The following DCC variants were observed in gnomAD, a reference collection of about 807,000 sequenced individuals.
The protein encoded by DCC is netrin receptor DCC.
In DCC, 58 loss-of-function variants were observed where a neutral mutation model predicts 172.5. The ratio of observed to expected loss-of-function variants is 0.34; its 90% CI spans 0.27 to 0.42. DCC has a LOEUF of 0.42. Ranked by LOEUF, DCC falls within the 10% of genes least tolerant of loss-of-function variation. The probability of loss-of-function intolerance (pLI) is 1.00; values close to 1 mark genes in which losing one functional copy is unlikely to be tolerated. For missense variants in DCC, 1,740 were observed against 1,791.0 expected, an observed-to-expected ratio of 0.97 and a Z score of 0.51; for synonymous variants, 709 against 644.5, an observed-to-expected ratio of 1.10 and a Z score of -1.52.
intron 1 of DCC, among the ~76,000 whole-genome samples, chr18:52,634,730 C>T (rs778033339): frequency 3.9e-5 from 6 of 152,038 alleles, no homozygotes; most frequent in East Asian, 1.9e-4. Context: ...TTCTCTGTGT[C>T]GTATTTCTTT....
At chr18:52,484,946 T>A (rs1475521837) in intron 1 of DCC, among the ~76,000 whole-genome samples, 1 of 152,150 alleles carries the variant, frequency 6.6e-6, no homozygotes, top group Non-Finnish European at 1.5e-5. Context: ...GAGACCAGGC[T>A]TTCCTGTCCA....
intron 10 of DCC, among the ~76,000 whole-genome samples, chr18:53,207,455 C>T (rs1167716480): frequency 1.3e-5 from 2 of 152,156 alleles, no homozygotes; most frequent in Non-Finnish European, 2.9e-5. Context: ...CAAATTGGAA[C>T]TTAATGACTG....
intron 2 of DCC, among the ~76,000 whole-genome samples, chr18:52,825,119 T>G (rs1876771590): frequency 6.6e-6 from 1 of 152,170 alleles, no homozygotes; most frequent in Non-Finnish European, 1.5e-5. Context: ...CATTTACCCC[T>G]TAGACAGATG....
chr18:52,444,163 G>A (rs1363711938), intron 1 of DCC, among the ~76,000 whole-genome samples: 1 of 152,164 alleles, frequency 6.6e-6, no homozygotes, highest in Non-Finnish European at 1.5e-5. Flanking sequence ...ACCTGAACCA[G>A]GTCTGGAAGG....
chr18:52,353,037 A>G (rs758724046), intron 1 of DCC, among the ~76,000 whole-genome samples: 8 of 152,166 alleles, frequency 5.3e-5, no homozygotes, highest in African/African-American at 7.2e-5. Flanking sequence ...CATGTAGTCA[A>G]TGGGAAACTG....
intron 1 of DCC, among the ~76,000 whole-genome samples, chr18:52,731,035 T>G (rs1412104222): frequency 6.6e-6 from 1 of 152,204 alleles, no homozygotes; most frequent in African/African-American, 2.4e-5. Context: ...CTTATAATTT[T>G]CTGCCTTTTG....
intron 9 of DCC, among the ~76,000 whole-genome samples, chr18:53,203,009 C>A (rs2055564867): frequency 6.6e-6 from 1 of 152,028 alleles, no homozygotes; most frequent in African/African-American, 2.4e-5. Context: ...GAGTGCTACA[C>A]AAATGACATT....
chr18:52,353,293 G>A (rs550929773), intron 1 of DCC, among the ~76,000 whole-genome samples: 21 of 152,028 alleles, frequency 1.4e-4, no homozygotes, highest in South Asian at 2.1e-4. Flanking sequence ...ATATAAGAAC[G>A]CATATTTTAC....
chr18:52,669,429 T>C (rs2144965558), intron 1 of DCC, among the ~76,000 whole-genome samples: 1 of 152,348 alleles, frequency 6.6e-6, no homozygotes, highest in African/African-American at 2.4e-5. Flanking sequence ...AAAGGACTGT[T>C]ATCATCTTTG....
Position 52,797,623 on chromosome 18 carries a change from T to G in DCC, c.412+45249T>G, listed in dbSNP as rs75847825. Among the ~76,000 whole-genome samples the G allele has an allele frequency of 6.4e-3, 973 of 152,354 alleles. 11 individuals are homozygous for G. Among genetic ancestry groups the G allele is most frequent in the South Asian group, 0.01 (49 of 4,834 alleles). ...GGAACATCAGCTGGGTTAGTTCTTG[T>G]GCACCAGTTTGGCAGCAGTACAAAT... is the stretch of plus-strand genomic sequence containing the variant. On this transcript the variant is annotated intron_variant, in intron 2 of 28. Transcript: ENST00000442544.
chr18:52,752,074 A>C lies in DCC; in HGVS notation c.112A>C (p.Thr38Pro), dbSNP rs2037003344. The C allele has an allele frequency of 6.2e-7, 1 of 1,614,110 alleles. No individual in the cohort carries two copies. Among genetic ancestry groups the C allele is most frequent in the Admixed American group, 1.7e-5 (1 of 60,016 alleles). The change falls in exon 2 of 29, where the codon ACA (threonine) becomes CCA (proline). Residue 38 changes from threonine (T) to proline (P), a missense_variant. By Grantham distance (38) the Thr-to-Pro change is conservative (BLOSUM62 -1). This residue lies in a region of DCC where 1,732 missense variants were observed against 1,767.4 expected (regional missense o/e 0.98). Transcript: ENST00000442544. ...TCCAGGTTTTCAAATTAAAGCTTTC[A>C]CAGCACTGCGCTTCCTCTCAGAACC... is the stretch of plus-strand genomic sequence containing the variant. Reference protein sequence around the residue: ...QVTGFQIKAFTALRFLSEPSD... With the variant: ...QVTGFQIKAFPALRFLSEPSD...
intron 1 of DCC, among the ~76,000 whole-genome samples, chr18:52,700,041 G>C (rs1010765464): frequency 8.9e-5 from 11 of 123,816 alleles, no homozygotes; most frequent in African/African-American, 3.3e-4. Flanking sequence ...TCAGTGATCT[G>C]TTTATGCAAA....
intron 27 of DCC, among the ~76,000 whole-genome samples, chr18:53,519,528 G>GTTT (rs34417946): frequency 7.1e-6 from 1 of 140,292 alleles, no homozygotes; most frequent in Admixed American, 7.1e-5. Flanking sequence ...AAAATGAAGT[G>GTTT]TTTTTTTTTT....
chr18:52,407,269 G>A (rs984114489), intron 1 of DCC, among the ~76,000 whole-genome samples: 1 of 152,052 alleles, frequency 6.6e-6, no homozygotes, highest in Non-Finnish European at 1.5e-5. Flanking sequence ...GTACCTTAGC[G>A]TTGAAGGTGA....
chr18:53,390,461 C>A (rs1477203310), intron 16 of DCC, among the ~76,000 whole-genome samples: 1 of 152,116 alleles, frequency 6.6e-6, no homozygotes, highest in Non-Finnish European at 1.5e-5. Flanking sequence ...AAAAAATAAA[C>A]CCTGTATTAT....
intron 1 of DCC, among the ~76,000 whole-genome samples, chr18:52,720,206 G>T (rs1310867048): frequency 6.6e-6 from 1 of 152,082 alleles, no homozygotes; most frequent in African/African-American, 2.4e-5. Context: ...TGGCTCAATA[G>T]AGATCTGTAG....
intron 2 of DCC, among the ~76,000 whole-genome samples, chr18:52,899,677 A>G (rs1202558383): frequency 6.7e-6 from 1 of 150,230 alleles, no homozygotes; most frequent in Non-Finnish European, 1.5e-5. Context: ...TTTTTTTTTT[A>G]TAGAGACAGA....
intron 15 of DCC, among the ~76,000 whole-genome samples, chr18:53,384,297 G>T (rs954023820): frequency 2.6e-5 from 4 of 151,970 alleles, no homozygotes; most frequent in Admixed American, 1.3e-4. Flanking sequence ...TTCTTCTGCC[G>T]TAAAATGTTA....
chr18:52,928,098 G>A (rs1005087475), intron 5 of DCC, among the ~76,000 whole-genome samples: 9 of 152,052 alleles, frequency 5.9e-5, no homozygotes, highest in African/African-American at 2.2e-4. Context: ...TAAATAACAA[G>A]ATCATGGCCT....
Sources: gnomAD v4.1 joint callset for allele counts (sites outside exome capture counted in the v4.1 genomes callset) on GRCh38, gnomAD v4.1.1 for gene constraint, gnomAD v4.1.1 regional missense constraint, MANE v1.5 for transcripts, NCBI Gene and HGNC (gene_info 2026-07-23, HGNC 2026-07-21) for gene names.